Variants in FAM13A observed in about 807,000 individuals in gnomAD.
The protein encoded by FAM13A is protein FAM13A.
FAM13A carries 76 observed loss-of-function variants against 129.6 expected under a neutral mutation model. That is an observed-to-expected ratio of 0.59 (90% CI 0.49 to 0.71). FAM13A has a LOEUF of 0.71. Ranked by LOEUF, FAM13A falls within the 30% of genes least tolerant of loss-of-function variation. The pLI, the probability that FAM13A is intolerant of heterozygous loss-of-function variation, is 0.00. For missense variants in FAM13A, 1,108 were observed against 1,249.3 expected, an observed-to-expected ratio of 0.89 and a Z score of 1.70; for synonymous variants, 443 against 449.9, an observed-to-expected ratio of 0.98 and a Z score of 0.20.
At chr4:88,830,105 C>G (rs1017932241) in intron 7 of FAM13A, among the ~76,000 whole-genome samples, 3 of 152,238 alleles carry the variant, frequency 2.0e-5, no homozygotes, top group Admixed American at 2.0e-4. Flanking sequence ...CCATAACAAA[C>G]TTCTTCTGCT....
intron 6 of FAM13A, among the ~76,000 whole-genome samples, chr4:88,888,590 A>C (rs1352555815): frequency 1.3e-5 from 2 of 152,064 alleles, no homozygotes; most frequent in Middle Eastern, 3.2e-3. Flanking sequence ...TAAATAAATA[A>C]ATCATCCCAG....
Position 89,020,676 on chromosome 4 carries a change from G to A in FAM13A, c.218-7C>T. The A allele has an allele frequency of 6.3e-7, 1 of 1,598,700 alleles. No individual in the cohort carries two copies. Among genetic ancestry groups the A allele is most frequent in the Non-Finnish European group, 8.6e-7 (1 of 1,166,034 alleles). On this transcript the variant is annotated splice_region_variant and splice_polypyrimidine_tract_variant and intron_variant, in intron 2 of 23. Coordinates refer to ENST00000264344, the MANE Select transcript of FAM13A (RefSeq NM_014883.4). The stretch of plus-strand genomic sequence containing the variant: ...AGACCTTCTTGGGTAAGTCCTGGAA[G>A]AGCAAAGTAGGCACAGAAAATAAAT...
chr4:89,040,496 T>C (rs1285155946), intron 1 of FAM13A, among the ~76,000 whole-genome samples: 1 of 152,114 alleles, frequency 6.6e-6, no homozygotes, highest in African/African-American at 2.4e-5. Context: ...AAATTAACAA[T>C]AACAATTGGA....
chr4:88,806,227 A>G (rs575895620), intron 7 of FAM13A, among the ~76,000 whole-genome samples: 20 of 152,276 alleles, frequency 1.3e-4, no homozygotes, highest in African/African-American at 4.6e-4. Context: ...TAGAAAGATA[A>G]AGTATTAAAT....
At chr4:88,850,043 G>A (rs1737292689) in intron 7 of FAM13A, among the ~76,000 whole-genome samples, 1 of 151,996 alleles carries the variant, frequency 6.6e-6, no homozygotes, top group Non-Finnish European at 1.5e-5. Flanking sequence ...TCTTCTATAA[G>A]GCAATACAAA....
At chr4:88,940,189 G>A (rs1032745918) in intron 4 of FAM13A, among the ~76,000 whole-genome samples, 1 of 152,176 alleles carries the variant, frequency 6.6e-6, no homozygotes, top group African/African-American at 2.4e-5. Context: ...GGTAGTGGAA[G>A]GAGACTGGGC....
intron 3 of FAM13A, among the ~76,000 whole-genome samples, chr4:88,992,258 CT>C (rs535122112): frequency 1.8e-3 from 243 of 136,688 alleles, no homozygotes; most frequent in Middle Eastern, 3.9e-3. Context: ...GAATGAATAA[CT>C]TTTTTTTCTT....
chr4:88,787,494 T>C (rs947935382), intron 10 of FAM13A, among the ~76,000 whole-genome samples: 1 of 152,098 alleles, frequency 6.6e-6, no homozygotes, highest in Non-Finnish European at 1.5e-5. Flanking sequence ...GAGGAAGCCA[T>C]AGGGTGTATT....
rs1026690091 is a variant in FAM13A, at chr4:88,870,935, A to G, written c.844-19752T>C. 2.6e-5 allele frequency among the ~76,000 whole-genome samples: 4 copies of G among 152,364 alleles called. No homozygotes were observed. In the East Asian group the frequency reaches 7.7e-4, roughly 29 times the overall value. On this transcript the variant is annotated intron_variant, in intron 6 of 23. Transcript: ENST00000264344. ...AGATGAAGCTTCCAGAGGAAGGATCAGGCAGCAACATTTGCTGTTCTGCAA... is the reference window on the plus strand; with the variant it reads ...AGATGAAGCTTCCAGAGGAAGGATCGGGCAGCAACATTTGCTGTTCTGCAA...
intron 6 of FAM13A, among the ~76,000 whole-genome samples, chr4:88,903,596 T>C (rs865891924): frequency 2.3e-4 from 35 of 152,228 alleles, no homozygotes; most frequent in African/African-American, 8.2e-4. Flanking sequence ...TTACACCTTA[T>C]ACAAAAATTA....
chr4:88,734,796 A>G (rs561939634), intron 21 of FAM13A, among the ~76,000 whole-genome samples: 3 of 152,370 alleles, frequency 2.0e-5, no homozygotes, highest in African/African-American at 7.2e-5. Flanking sequence ...CCCAAAGGTC[A>G]GCAGTGCTGA....
intron 1 of FAM13A, among the ~76,000 whole-genome samples, chr4:89,043,623 C>G (rs1706405195): frequency 6.6e-6 from 1 of 151,988 alleles, no homozygotes; most frequent in African/African-American, 2.4e-5. Context: ...CACAATCTTC[C>G]TACAACAACT....
At chr4:88,784,959 T>A (rs1474448873) in intron 10 of FAM13A, among the ~76,000 whole-genome samples, 1 of 152,180 alleles carries the variant, frequency 6.6e-6, no homozygotes, top group Non-Finnish European at 1.5e-5. Context: ...TAGCAAATAG[T>A]AATATAGGTC....
At chr4:88,860,015 C>CG (rs1561184987) in intron 6 of FAM13A, among the ~76,000 whole-genome samples, 1 of 152,020 alleles carries the variant, frequency 6.6e-6, no homozygotes, top group East Asian at 1.9e-4. Context: ...TTTCCCCCTC[C>CG]CTTGCTGCCT....
chr4:88,981,898 C>A (rs1372024437), intron 4 of FAM13A, among the ~76,000 whole-genome samples: 1 of 152,196 alleles, frequency 6.6e-6, no homozygotes, highest in African/African-American at 2.4e-5. Flanking sequence ...TTCCAGGTTG[C>A]CATATCCCAT....
At chr4:88,960,438 G>A (rs1758422395) in intron 4 of FAM13A, among the ~76,000 whole-genome samples, 1 of 152,138 alleles carries the variant, frequency 6.6e-6, no homozygotes, top group Admixed American at 6.5e-5. Flanking sequence ...AAAACAGAGG[G>A]ATACAAGTTA....
intron 7 of FAM13A, among the ~76,000 whole-genome samples, chr4:88,843,478 G>A (rs1736166357): frequency 6.6e-6 from 1 of 152,164 alleles, no homozygotes. Flanking sequence ...AACACTGTAA[G>A]GGAACAAACA....
intron 5 of FAM13A, among the ~76,000 whole-genome samples, chr4:88,928,305 T>C (rs1397323741): frequency 2.6e-5 from 4 of 152,200 alleles, no homozygotes; most frequent in African/African-American, 9.6e-5. Context: ...AGAATGTATA[T>C]TCCATAGTTG....
chr4:88,832,616 C>G (rs762427060), intron 7 of FAM13A, among the ~76,000 whole-genome samples: 1 of 151,898 alleles, frequency 6.6e-6, no homozygotes, highest in African/African-American at 2.4e-5. Flanking sequence ...ATGTGGCCAA[C>G]AAACATGAAA....
Sources: allele counts gnomAD v4.1 joint callset (sites outside exome capture counted in the v4.1 genomes callset), GRCh38; gene constraint gnomAD v4.1.1; transcripts MANE v1.5; gene names NCBI Gene and HGNC (gene_info 2026-07-23, HGNC 2026-07-21).